Variants in UPRT observed in about 807,000 individuals in gnomAD.
The protein encoded by UPRT is RP11-311P8.3.
In UPRT, 5 loss-of-function variants were observed where a neutral mutation model predicts 22.6. That is an observed-to-expected ratio of 0.22 (90% CI 0.12 to 0.47). The LOEUF is 0.47. Ranked by LOEUF, UPRT falls within the 20% of genes least tolerant of loss-of-function variation. The pLI, the probability that UPRT is intolerant of heterozygous loss-of-function variation, is 0.99. For synonymous variants in UPRT, 77 were observed against 87.7 expected (o/e 0.88, Z 0.68); for missense variants, 181 against 239.9 (o/e 0.75, Z 1.62).
chrX:75,243,797 C>T (rs996933498), intron 4 of UPRT, among the ~76,000 whole-genome samples: 11 of 111,504 alleles, frequency 9.9e-5, no homozygotes, highest in Non-Finnish European at 1.7e-4. Context: ...GTTTTCATCC[C>T]GGAATGCCCT....
chrX:75,274,775 GGTGTGTGTGTGTGTGTGT>G (rs201034223), intron 1 of UPRT, 135 bp downstream of exon 1: 134 of 361,676 alleles, frequency 3.7e-4, no homozygotes, highest in Admixed American at 6.2e-4. Context: ...CCTTTTATTT[GGTGTGTGTGTGTGTGTGT>G]GTGTGTGTGT....
chrX:75,225,541 G>A (rs964085165), intron 4 of UPRT, among the ~76,000 whole-genome samples: 1 of 111,521 alleles, frequency 9.0e-6, no homozygotes, highest in Non-Finnish European at 1.9e-5. Flanking sequence ...GCTGTAGCCT[G>A]GAGTGAAGTT....
chrX:75,226,447 A>G lies in UPRT; in HGVS notation c.-447+58568A>G, dbSNP rs773865331. 4.5e-5 allele frequency among the ~76,000 whole-genome samples: 5 copies of G among 111,628 alleles called. No homozygotes were observed. In the East Asian group the frequency reaches 1.4e-3, roughly 32 times the overall value. Reference sequence around the variant, plus strand: ...TCACAATGTCCTAAAAGACTCCACAATCTTTCCACTCCATACCCAGTTTAC... The same window carrying G: ...TCACAATGTCCTAAAAGACTCCACAGTCTTTCCACTCCATACCCAGTTTAC... On this transcript the variant is annotated intron_variant, in intron 4 of 13. Coordinates refer to the UPRT transcript ENST00000652605.
Position 75,274,453 on chromosome X carries a change from G to A in UPRT, c.199G>A (p.Gly67Arg), listed in dbSNP as rs749231284. The change falls in exon 1 of 7, where the codon GGG (glycine) becomes AGG (arginine). Residue 67 changes from glycine (G) to arginine (R), a missense_variant. Coordinates refer to ENST00000373383, the MANE Select transcript of UPRT (RefSeq NM_145052.4). ...HSSLPAELDS[G>R]ACGGSSLNSE... The stretch of plus-strand genomic sequence containing the variant: ...TAGCCTGCCGGCCGAGCTGGACTCT[G>A]GGGCCTGCGGCGGCTCCAGCCTCAA... The A allele has an allele frequency of 5.1e-5, 62 of 1,209,859 alleles. No individual in the cohort carries two copies. In the Middle Eastern group the frequency reaches 6.9e-4, roughly 13 times the overall value.
At chrX:75,259,359 G>A (rs1157413554) in intron 4 of UPRT, among the ~76,000 whole-genome samples, 2 of 109,533 alleles carry the variant, frequency 1.8e-5, no homozygotes, top group Non-Finnish European at 3.8e-5. Flanking sequence ...CCAATGCAAG[G>A]AAGCTAATGG....
rs1555968476 is a variant in UPRT, at chrX:75,214,986, C to CACACACACACAG, written c.-447+47118_-447+47119insGACACACACACA. ...ACACACACACACACACACACACACA[C>CACACACACACAG]ACACACACACACAAATAAGGCAGGA... On this transcript the variant is annotated intron_variant, in intron 4 of 13. Transcript: ENST00000652605. 7.5e-5 allele frequency among the ~76,000 whole-genome samples: 8 copies of CACACACACACAG among 106,854 alleles called. 1 individual carries two copies. The highest frequency in any genetic ancestry group is 2.8e-4 in the African/African-American group (8 of 28,853). The allele number at this position is 106,854 out of a possible 115,157, so 92.8% of individuals were successfully genotyped here. A position where few individuals can be genotyped will look rare whatever the true frequency, so the allele number is the denominator to read the frequency against.
intron 4 of UPRT, among the ~76,000 whole-genome samples, chrX:75,204,315 T>C (rs1340671202): frequency 1.8e-5 from 2 of 111,695 alleles, no homozygotes; most frequent in African/African-American, 6.5e-5. Flanking sequence ...TAGGGATTAC[T>C]AAAGGAACCT....
intron 4 of UPRT, among the ~76,000 whole-genome samples, chrX:75,168,767 G>T (rs1000610571): frequency 9.0e-6 from 1 of 111,408 alleles, no homozygotes; most frequent in African/African-American, 3.3e-5. Flanking sequence ...GACCCCAGGT[G>T]ATCTGCCCAC....
At chrX:75,263,913 T>G (rs2082577569) in intron 4 of UPRT, among the ~76,000 whole-genome samples, 2 of 110,067 alleles carry the variant, frequency 1.8e-5, no homozygotes, top group South Asian at 4.0e-4. Context: ...TTCTGGTATG[T>G]TGTGTCTTTG....
Position 75,304,016 on chromosome X carries a change from C to T in UPRT, c.*505C>T, listed in dbSNP as rs1418340880. On this transcript the variant is annotated 3_prime_UTR_variant, in exon 7 of 7. Transcript: ENST00000373383. The stretch of plus-strand genomic sequence containing the variant: ...AGAATGTCTCCTGGAATTTTACATT[C>T]CCATTAATGTCCTCATTCAGTTGGC... 8.8e-6 allele frequency: 1 copy of T among 113,040 alleles called. No homozygotes were observed. Among genetic ancestry groups the T allele is most frequent in the Non-Finnish European group, 1.9e-5 (1 of 54,033 alleles). 9.3% of individuals were successfully genotyped at this position (113,040 alleles called of 1,213,427 possible).
intron 4 of UPRT, among the ~76,000 whole-genome samples, chrX:75,260,509 A>T (rs1326725961): frequency 8.9e-6 from 1 of 112,559 alleles, no homozygotes; most frequent in Non-Finnish European, 1.9e-5. Context: ...ACAAAGAAGG[A>T]CATTACAAAA....
intron 5 of UPRT, among the ~76,000 whole-genome samples, chrX:75,300,293 C>T (rs2082739578): frequency 9.0e-6 from 1 of 111,648 alleles, no homozygotes; most frequent in African/African-American, 3.3e-5. Flanking sequence ...ACTCAGACCA[C>T]ACTTGGCATG....
chrX:75,180,711 T>G (rs1300653002), intron 4 of UPRT, among the ~76,000 whole-genome samples: 25 of 97,618 alleles, frequency 2.6e-4, no homozygotes, highest in Non-Finnish European at 4.5e-4. Context: ...TTTTTTTTTT[T>G]TTTTTTTTTG....
chrX:75,245,310 A>C (rs2147655624), intron 4 of UPRT, among the ~76,000 whole-genome samples: 1 of 109,924 alleles, frequency 9.1e-6, no homozygotes, highest in African/African-American at 3.3e-5. Context: ...GATGCTGGAG[A>C]GGTTGAGGAG....
At chrX:75,179,942 T>G (rs907110842) in intron 4 of UPRT, among the ~76,000 whole-genome samples, 5 of 112,735 alleles carry the variant, frequency 4.4e-5, no homozygotes, top group Non-Finnish European at 9.4e-5. Context: ...GCTCCAGCCT[T>G]GGCCAGCCTA....
chrX:75,180,340 T>C (rs1360548193), intron 4 of UPRT, among the ~76,000 whole-genome samples: 1 of 111,884 alleles, frequency 8.9e-6, no homozygotes, highest in Non-Finnish European at 1.9e-5. Context: ...TGTGTTTTGC[T>C]CAGCTCTCTA....
chrX:75,300,109 G>A (rs190263581), intron 5 of UPRT, among the ~76,000 whole-genome samples: 8 of 112,291 alleles, frequency 7.1e-5, no homozygotes, highest in African/African-American at 1.3e-4. Flanking sequence ...ACAAACTTCC[G>A]TCTTGAACAC....
At chrX:75,162,871 G>A (rs963231978) in intron 2 of UPRT, among the ~76,000 whole-genome samples, 2 of 111,601 alleles carry the variant, frequency 1.8e-5, no homozygotes, top group Non-Finnish European at 3.8e-5. Flanking sequence ...TGGTATGATG[G>A]CAAAAGCATC....
At chrX:75,187,710 C>A (rs1382223959) in intron 4 of UPRT, among the ~76,000 whole-genome samples, 1 of 111,722 alleles carries the variant, frequency 9.0e-6, no homozygotes, top group Non-Finnish European at 1.9e-5. Flanking sequence ...TTCTTGGAGG[C>A]TTTGTTCATT....
Sources: gnomAD v4.1 joint callset for allele counts (sites outside exome capture counted in the v4.1 genomes callset) on GRCh38, gnomAD v4.1.1 for gene constraint, MANE v1.5 for transcripts, NCBI Gene and HGNC (gene_info 2026-07-23, HGNC 2026-07-21) for gene names.